DERPC: variants seen among roughly 807,000 people sequenced by gnomAD.
DERPC encodes the protein decreased expression in renal and prostate cancer protein.
Under a neutral mutation model 7.2 loss-of-function variants are expected in DERPC, and 1 was observed. The ratio of observed to expected loss-of-function variants is 0.14; its 90% CI spans 0.05 to 0.66. The LOEUF is 0.66. Ranked by LOEUF, DERPC falls within the 30% of genes least tolerant of loss-of-function variation. DERPC has a pLI of 0.84. For missense variants in DERPC, 502 were observed against 299.4 expected, an observed-to-expected ratio of 1.68 and a Z score of -4.99; for synonymous variants, 185 against 117.6, an observed-to-expected ratio of 1.57 and a Z score of -3.71.
rs1183636693 is a variant in DERPC at position 69,119,548 on chromosome 16, T to C, written c.881A>G (p.Gln294Arg). 1 of 702,842 alleles carries C rather than the reference T, an allele frequency of 1.4e-6. No individual in the cohort carries two copies. The highest frequency in any genetic ancestry group is 2.0e-5 in the Admixed American group (1 of 50,016). The allele number at this position is 702,842 out of a possible 1,614,324, so 43.5% of individuals were successfully genotyped here. Reference sequence around the variant, plus strand: ...GCTTGTGCCCATGTTTCCAGAAGCCTGTGAGAAAGAAGCTGAATTTGCTCC... The same window carrying C: ...GCTTGTGCCCATGTTTCCAGAAGCCCGTGAGAAAGAAGCTGAATTTGCTCC... ...LLGANSASFS[Q>R]ASGNMGTSPS... The change falls in exon 3 of 3, where the codon CAG becomes CGG. Residue 294 changes from glutamine to arginine, a missense_variant. Gln to Arg is a conservative substitution (Grantham distance 43). Coordinates refer to ENST00000519520, the MANE Select transcript of DERPC (RefSeq NM_001002847.4).
rs766219774 is a variant in DERPC, at chr16:69,118,520, G to C, written c.*334C>G. On this transcript the variant is annotated 3_prime_UTR_variant, in exon 3 of 3. Transcript: ENST00000519520. The stretch of plus-strand genomic sequence containing the variant: ...TGTGAACTGGGACCTGCAGGCCAAT[G>C]TATCCCTGAGGAAAAGTCCACAAGA... 3 of 994,304 alleles carry C rather than the reference G, an allele frequency of 3.0e-6. No individual in the cohort carries two copies. The highest frequency in any genetic ancestry group is 4.9e-6 in the Non-Finnish European group (3 of 614,998). The allele number at this position is 994,304 out of a possible 1,614,324, so 61.6% of individuals were successfully genotyped here.
chr16:69,131,536 T>G (rs1013717022), intron 1 of DERPC: 1 of 130,702 alleles, frequency 7.7e-6, no homozygotes, highest in Non-Finnish European at 1.6e-5. Context: ...CCACCCTTTC[T>G]GCTAGAGCTA....
At chr16:69,124,573 G>T (rs368850937) in intron 1 of DERPC, among the ~76,000 whole-genome samples, 1 of 151,734 alleles carries the variant, frequency 6.6e-6, no homozygotes, top group African/African-American at 2.4e-5. Context: ...ACAGGCGCCC[G>T]CCACCACGCC....
At chr16:69,123,938 A>AC (rs1823575048) in intron 1 of DERPC, among the ~76,000 whole-genome samples, 3 of 140,526 alleles carry the variant, frequency 2.1e-5, no homozygotes, top group African/African-American at 2.5e-5. Context: ...AAAAAAAAAA[A>AC]AAAAAAAAAC....
chr16:69,120,970 T>C lies in DERPC; in HGVS notation c.-221-321A>G. The C allele has an allele frequency of 1.7e-6, 2 of 1,157,028 alleles. No individual in the cohort carries two copies. The highest frequency in any genetic ancestry group is 2.6e-6 in the Non-Finnish European group (2 of 762,580). The allele number at this position is 1,157,028 out of a possible 1,614,324, so 71.7% of individuals were successfully genotyped here. A position where few individuals can be genotyped will look rare whatever the true frequency, so the allele number is the denominator to read the frequency against. On this transcript the variant is annotated intron_variant, in intron 2 of 2. Transcript: ENST00000519520. This position sits in a 1 kb window ranked among gnomAD's most constrained non-coding sequence, Gnocchi z 4.0. ...GCCTTGAATAACAAACCTGAGGCAG[T>C]CCTCACTCTGGGTCCTGGGAGCACC...
At chr16:69,127,876 T>C (rs1415798842) in intron 1 of DERPC, among the ~76,000 whole-genome samples, 1 of 151,650 alleles carries the variant, frequency 6.6e-6, no homozygotes, top group South Asian at 2.1e-4. Flanking sequence ...TTCCAAAGTG[T>C]TGGGATTACA....
At chr16:69,128,639 AGAATCAATCCTGACCCACAATG>A (rs1962265620) in intron 1 of DERPC, among the ~76,000 whole-genome samples, 1 of 152,248 alleles carries the variant, frequency 6.6e-6, no homozygotes, top group Non-Finnish European at 1.5e-5. Flanking sequence ...CAGCATTCAA[AGAATCAATCCTGACCCACAATG>A]GGAACCCTAC....
At position 69,119,228 on chromosome 16, in the gene DERPC, T is replaced by C. The variant is rs1195089380; in HGVS notation, c.1201A>G (p.Arg401Gly). 1 of 703,004 alleles carries C rather than the reference T, an allele frequency of 1.4e-6. No individual in the cohort carries two copies. The highest frequency in any genetic ancestry group is 1.5e-5 in the South Asian group (1 of 67,592). The allele number at this position is 703,004 out of a possible 1,614,324, so 43.5% of individuals were successfully genotyped here. ...LQGSNPTIFP[R>G]ASGPLGPNPA... Reference sequence around the variant, plus strand: ...TTGGGGCCAAGTGGCCCAGAGGCTCTTGGGAAAATGGTTGGATTTGAGCCC... The same window carrying C: ...TTGGGGCCAAGTGGCCCAGAGGCTCCTGGGAAAATGGTTGGATTTGAGCCC... Residue 401 changes from arginine to glycine, a missense_variant, in exon 3 of 3, where the codon AGA becomes GGA. Coordinates refer to ENST00000519520, the MANE Select transcript of DERPC (RefSeq NM_001002847.4).
At chr16:69,128,217 A>C (rs1275214479) in intron 1 of DERPC, among the ~76,000 whole-genome samples, 1 of 152,142 alleles carries the variant, frequency 6.6e-6, no homozygotes, top group Non-Finnish European at 1.5e-5. Flanking sequence ...CCGGCTAACT[A>C]TCTCTTAAGA....
chr16:69,123,795 T>C lies in DERPC; in HGVS notation c.-279-2302A>G, dbSNP rs186676263. On this transcript the variant is annotated intron_variant, in intron 1 of 2. Transcript: ENST00000519520. ...TATGAAAATATCTTAGATAATTAGA[T>C]AACAGACTTTGGCCGGGAGCAGTAG... Among the ~76,000 whole-genome samples the C allele has an allele frequency of 1.8e-3, 274 of 152,024 alleles. 2 individuals are homozygous for C. The highest frequency in any genetic ancestry group is 3.9e-3 in the South Asian group (19 of 4,814).
Position 69,128,740 on chromosome 16 carries a change from TTCTC to T in DERPC, c.-280+3740_-280+3743del, listed in dbSNP as rs146333544. On this transcript the variant is annotated intron_variant, in intron 1 of 2. Transcript: ENST00000519520. Reference sequence around the variant, plus strand: ...ATACCTTATTTAACCAGCATTTGGCTTCTCTCTCTCTTTTGAAATTAGTAACTAT... The same window carrying T: ...ATACCTTATTTAACCAGCATTTGGCTTCTCTCTTTTGAAATTAGTAACTAT... 2.2e-3 allele frequency among the ~76,000 whole-genome samples: 330 copies of T among 152,234 alleles called. 1 individual carries two copies. The highest frequency in any genetic ancestry group is 7.4e-3 in the African/African-American group (308 of 41,534).
Position 69,118,791 on chromosome 16 carries a change from G to C in DERPC, c.*63C>G. ...GCTCCACAACTACCCTTTTACCTAA[G>C]ACAGCCCCTGCCAAGAACCACAGTG... On this transcript the variant is annotated 3_prime_UTR_variant, in exon 3 of 3. Transcript: ENST00000519520. The C allele has an allele frequency of 1.5e-6, 1 of 655,108 alleles. No homozygotes were observed. The highest frequency in any genetic ancestry group is 2.8e-6 in the Non-Finnish European group (1 of 362,724). The allele number at this position is 655,108 out of a possible 1,614,324, so 40.6% of individuals were successfully genotyped here.
In DERPC at chr16:69,118,810, C is replaced by A; in HGVS notation, c.*44G>T. ...ACCTAAGACAGCCCCTGCCAAGAAC[C>A]ACAGTGCCTAGAAACCAAGGTGGTC... On this transcript the variant is annotated 3_prime_UTR_variant, in exon 3 of 3. Transcript: ENST00000519520. 1.5e-6 allele frequency: 1 copy of A among 671,416 alleles called. No homozygotes were observed. The highest frequency in any genetic ancestry group is 1.6e-5 in the South Asian group (1 of 61,490). The allele number at this position is 671,416 out of a possible 1,614,324, so 41.6% of individuals were successfully genotyped here.
intron 1 of DERPC, among the ~76,000 whole-genome samples, chr16:69,122,376 TTTTTTC>T (rs1961738832): frequency 6.6e-6 from 1 of 151,924 alleles, no homozygotes; most frequent in African/African-American, 2.4e-5. Context: ...TTTTTTTTTT[TTTTTTC>T]TTTTTCTTGA....
intron 1 of DERPC, among the ~76,000 whole-genome samples, chr16:69,128,496 A>G (rs1044539221): frequency 6.6e-6 from 1 of 152,222 alleles, no homozygotes; most frequent in Non-Finnish European, 1.5e-5. Context: ...GAGGAGGGAA[A>G]AAAGTTTTCT....
intron 1 of DERPC, among the ~76,000 whole-genome samples, chr16:69,130,248 C>CA (rs755639723): frequency 2.6e-5 from 4 of 152,002 alleles, no homozygotes; most frequent in Admixed American, 6.6e-5. Flanking sequence ...GGCTTTGACT[C>CA]AACGGTTTAA....
rs1369773743 is a variant in DERPC, at chr16:69,120,569, G to C, written c.-141C>G. 2 of 1,614,028 alleles carry C rather than the reference G, an allele frequency of 1.2e-6. No homozygotes were observed. The highest frequency in any genetic ancestry group is 1.7e-6 in the Non-Finnish European group (2 of 1,180,042). ...AGTCCTGATCCCCAGGAGTGTGTTT[G>C]ACAAGGACTGCAAAAGGTTTCTCCA... is the stretch of plus-strand genomic sequence containing the variant. On this transcript the variant is annotated 5_prime_UTR_variant, in exon 3 of 3. It introduces an in-frame stop codon into an upstream open reading frame of the 5' UTR. Coordinates refer to ENST00000519520, the MANE Select transcript of DERPC (RefSeq NM_001002847.4). The surrounding 1 kb of genome is among the most constrained non-coding windows in gnomAD (Gnocchi z 4.0).
rs1428706305 is a variant in DERPC at position 69,120,804 on chromosome 16, T to C, written c.-221-155A>G. On this transcript the variant is annotated intron_variant, in intron 2 of 2. Transcript: ENST00000519520. This position sits in a 1 kb window ranked among gnomAD's most constrained non-coding sequence, Gnocchi z 4.0. The stretch of plus-strand genomic sequence containing the variant: ...GCAGCCACACTGGACCACCCACCCA[T>C]GTGCCCTTTTTACTTTCTAGCCCCA... 4.1e-6 allele frequency: 3 copies of C among 733,682 alleles called. No homozygotes were observed. The African/African-American group carries it at 5.2e-5, about 13-fold the overall frequency. 45.4% of individuals were successfully genotyped at this position (733,682 alleles called of 1,614,324 possible). A position where few individuals can be genotyped will look rare whatever the true frequency, so the allele number is the denominator to read the frequency against.
chr16:69,124,986 C>T (rs1014253480), intron 1 of DERPC, among the ~76,000 whole-genome samples: 3 of 152,000 alleles, frequency 2.0e-5, no homozygotes, highest in African/African-American at 7.3e-5. Context: ...CTCACCGCAA[C>T]CTCCACCTCC....
Sources: gnomAD v4.1 joint callset for allele counts (sites outside exome capture counted in the v4.1 genomes callset) on GRCh38, gnomAD v4.1.1 for gene constraint, Gnocchi (gnomAD v3.1) non-coding constraint, MANE v1.5 for transcripts, NCBI Gene and HGNC (gene_info 2026-07-23, HGNC 2026-07-21) for gene names.